The following PIGU variants were observed in gnomAD, a reference collection of about 807,000 sequenced individuals.
The protein encoded by PIGU is phosphatidylinositol glycan anchor biosynthesis class U, also known as GPI-anchor transamidase component PIGU.
PIGU carries 24 observed loss-of-function variants against 49.9 expected under a neutral mutation model. That is an observed-to-expected ratio of 0.48 (90% CI 0.35 to 0.68). The LOEUF (loss-of-function observed/expected upper bound fraction) is 0.68, where lower values mean the gene tolerates loss of function less well. Ranked by LOEUF, PIGU falls within the 30% of genes least tolerant of loss-of-function variation. The pLI, the probability that PIGU is intolerant of heterozygous loss-of-function variation, is 0.01. For missense variants in PIGU, 490 were observed against 532.6 expected (o/e 0.92, Z 0.79); for synonymous variants, 220 against 205.7 (o/e 1.07, Z -0.59).
chr20:34,660,048 T>TAAAAAAAA (rs1555803430), intron 1 of PIGU, among the ~76,000 whole-genome samples: 4 of 41,380 alleles, frequency 9.7e-5, no homozygotes, highest in Admixed American at 3.0e-4. Flanking sequence ...GAATGATCAA[T>TAAAAAAAA]AAAAAAAAAA....
intron 7 of PIGU, among the ~76,000 whole-genome samples, chr20:34,598,909 T>C (rs960284376): frequency 6.6e-6 from 1 of 152,126 alleles, no homozygotes; most frequent in African/African-American, 2.4e-5. Context: ...AGGATCATAG[T>C]TCACTGCATT....
chr20:34,605,806 C>T (rs1917522811), intron 7 of PIGU, among the ~76,000 whole-genome samples: 3 of 152,102 alleles, frequency 2.0e-5, no homozygotes, highest in Non-Finnish European at 2.9e-5. Flanking sequence ...TAATACCTTG[C>T]CTTATTTTAT....
At chr20:34,657,943 TCCCTCA>T (rs1302425260) in intron 1 of PIGU, among the ~76,000 whole-genome samples, 2 of 137,018 alleles carry the variant, frequency 1.5e-5, no homozygotes, top group African/African-American at 5.5e-5. Context: ...CCTCTCCCTC[TCCCTCA>T]CCCTCTCCCT....
intron 7 of PIGU, among the ~76,000 whole-genome samples, chr20:34,607,006 G>A (rs1426707863): frequency 1.3e-5 from 2 of 152,160 alleles, no homozygotes; most frequent in Non-Finnish European, 2.9e-5. Flanking sequence ...TGATCCACCC[G>A]CCTCGGCCTC....
intron 11 of PIGU, among the ~76,000 whole-genome samples, 199 bp downstream of exon 11, chr20:34,574,905 C>T (rs1040020405): frequency 2.0e-5 from 3 of 152,114 alleles, no homozygotes; most frequent in Admixed American, 2.0e-4. Context: ...AGTGTGGTGC[C>T]CAATACATAT....
chr20:34,670,263 C>T (rs1210663261), intron 1 of PIGU, among the ~76,000 whole-genome samples: 47 of 149,356 alleles, frequency 3.1e-4, no homozygotes, highest in Admixed American at 3.0e-3. Flanking sequence ...GATCTCAGCT[C>T]ACTGCAACCT....
chr20:34,639,022 A>C (rs1482873636), intron 4 of PIGU, among the ~76,000 whole-genome samples: 1 of 152,218 alleles, frequency 6.6e-6, no homozygotes, highest in African/African-American at 2.4e-5. Context: ...GAAGGATTAA[A>C]AATTTAATGA....
intron 7 of PIGU, among the ~76,000 whole-genome samples, chr20:34,602,632 T>C (rs1267270989): frequency 1.3e-5 from 2 of 152,178 alleles, no homozygotes; most frequent in African/African-American, 4.8e-5. Flanking sequence ...TATGTATGTA[T>C]GTAAGTAGAA....
At chr20:34,596,674 TA>T (rs199755018) in intron 7 of PIGU, among the ~76,000 whole-genome samples, 1 of 151,496 alleles carries the variant, frequency 6.6e-6, no homozygotes, top group East Asian at 1.9e-4. Flanking sequence ...AAGGCCAGTA[TA>T]AAAAAAAATC....
At chr20:34,667,666 CAGA>C (rs1217127492) in intron 1 of PIGU, among the ~76,000 whole-genome samples, 1 of 152,068 alleles carries the variant, frequency 6.6e-6, no homozygotes, top group Non-Finnish European at 1.5e-5. Flanking sequence ...CTCTTCCTTA[CAGA>C]AGAATTTTAA....
chr20:34,631,594 C>T (rs1985712852), intron 6 of PIGU, among the ~76,000 whole-genome samples: 1 of 145,198 alleles, frequency 6.9e-6, no homozygotes, highest in Non-Finnish European at 1.5e-5. Flanking sequence ...TGCTCTGTTG[C>T]CCAGGTTGGA....
chr20:34,617,503 T>C (rs1241470656), intron 6 of PIGU, among the ~76,000 whole-genome samples: 3 of 152,250 alleles, frequency 2.0e-5, no homozygotes, highest in Non-Finnish European at 2.9e-5. Context: ...TGTAGCCCCT[T>C]TGGTTTGGCC....
intron 2 of PIGU, among the ~76,000 whole-genome samples, chr20:34,649,388 CTTT>C (rs55819405): frequency 1.4e-5 from 2 of 140,920 alleles, no homozygotes; most frequent in Non-Finnish European, 3.1e-5. Context: ...AGATCTCTTA[CTTT>C]TTTTTTTTTT....
In PIGU at chr20:34,645,159, G is replaced by A. The variant is rs1986293428; in HGVS notation, c.255+116C>T. The A allele has an allele frequency of 3.4e-6, 4 of 1,183,652 alleles. No homozygotes were observed. In the African/African-American group the frequency reaches 5.0e-5, roughly 15 times the overall value. The allele number at this position is 1,183,652 out of a possible 1,614,324, so 73.3% of individuals were successfully genotyped here. On this transcript the variant is annotated intron_variant, in intron 3 of 11. Transcript: ENST00000217446. Reference sequence around the variant, plus strand: ...ACTTAAGTCCAGGAGTCCAAGACCAGCCTGGGCAACACAGTGAGACCCCAT... The same window carrying A: ...ACTTAAGTCCAGGAGTCCAAGACCAACCTGGGCAACACAGTGAGACCCCAT...
intron 7 of PIGU, 98 bp downstream of exon 7, chr20:34,615,944 C>T: frequency 6.9e-7 from 1 of 1,454,130 alleles, no homozygotes; most frequent in South Asian, 1.5e-5. Flanking sequence ...AAGCTTCCCA[C>T]TGCCTTTACT....
At chr20:34,637,553 T>C (rs866337750) in intron 5 of PIGU, among the ~76,000 whole-genome samples, 7 of 152,212 alleles carry the variant, frequency 4.6e-5, no homozygotes, top group South Asian at 2.1e-4. Context: ...AAACTTTTAT[T>C]CAATCCATAC....
chr20:34,666,622 C>G (rs1262418369), intron 1 of PIGU, among the ~76,000 whole-genome samples: 1 of 150,906 alleles, frequency 6.6e-6, no homozygotes, highest in South Asian at 2.1e-4. Flanking sequence ...CTTAACCTCC[C>G]GGGCTCAAGC....
At chr20:34,578,994 C>G (rs536190496) in intron 10 of PIGU, 1 of 152,210 alleles carries the variant, frequency 6.6e-6, no homozygotes, top group South Asian at 2.1e-4. Context: ...CCCTTCAGAG[C>G]CTCAGGCATT....
chr20:34,675,416 AT>A (rs1987468936), intron 1 of PIGU, among the ~76,000 whole-genome samples: 1 of 152,164 alleles, frequency 6.6e-6, no homozygotes, highest in African/African-American at 2.4e-5. Context: ...AATGGCTTCG[AT>A]TCATTTCAAC....
Sources: allele counts gnomAD v4.1 joint callset (sites outside exome capture counted in the v4.1 genomes callset), GRCh38; gene constraint gnomAD v4.1.1; transcripts MANE v1.5; gene names NCBI Gene and HGNC (gene_info 2026-07-23, HGNC 2026-07-21).